Variants in FREM2 observed in about 807,000 individuals in gnomAD.
FREM2 encodes FRAS1-related extracellular matrix protein 2.
FREM2 carries 119 observed loss-of-function variants against 219.9 expected under a neutral mutation model. The observed-to-expected ratio is 0.54, with a 90% CI of 0.47 to 0.63. FREM2 has a LOEUF of 0.63. FREM2 is among the 30% of genes least tolerant of loss of function. The pLI is 0.00. For missense variants in FREM2, 4,030 were observed against 3,993.6 expected (o/e 1.01, Z -0.25); for synonymous variants, 1,562 against 1,522.8 (o/e 1.03, Z -0.60).
At chr13:38,779,753 G>A (rs781310026) in intron 4 of FREM2, among the ~76,000 whole-genome samples, 5 of 152,172 alleles carry the variant, frequency 3.3e-5, no homozygotes, top group African/African-American at 9.7e-5. Context: ...AACAGTTCTG[G>A]TGAAAATAGC....
At chr13:38,800,073 CGTT>C (rs1238835571) in intron 6 of FREM2, among the ~76,000 whole-genome samples, 4 of 151,698 alleles carry the variant, frequency 2.6e-5, no homozygotes, top group Non-Finnish European at 5.9e-5. Flanking sequence ...TATTGTTTGT[CGTT>C]GTGGTTTGGT....
rs538358346 is a variant in FREM2, at chr13:38,864,701, A to G, written c.7983+95A>G. The stretch of plus-strand genomic sequence containing the variant: ...TACTAAGTCCCAACTCCAGTTTTCC[A>G]TCTTGGTGTTGTAGGTAATTATTGA... On this transcript the variant is annotated intron_variant, in intron 16 of 23. Transcript: ENST00000280481. The G allele has an allele frequency of 1.4e-4, 149 of 1,095,066 alleles. 1 individual carries two copies. In the African/African-American group the frequency reaches 1.5e-3, roughly 11 times the overall value. The allele number at this position is 1,095,066 out of a possible 1,614,324, so 67.8% of individuals were successfully genotyped here. A position where few individuals can be genotyped will look rare whatever the true frequency, so the allele number is the denominator to read the frequency against.
chr13:38,725,937 C>A (rs894374520), intron 2 of FREM2, among the ~76,000 whole-genome samples: 1 of 152,098 alleles, frequency 6.6e-6, no homozygotes, highest in Non-Finnish European at 1.5e-5. Context: ...AGATGTAGAA[C>A]TCAAAAAATC....
intron 2 of FREM2, among the ~76,000 whole-genome samples, chr13:38,762,269 G>A (rs1338538382): frequency 6.6e-6 from 1 of 152,106 alleles, no homozygotes; most frequent in East Asian, 1.9e-4. Flanking sequence ...GATGTGGGTG[G>A]GCCTTGGACT....
chr13:38,864,574 G>C lies in FREM2; in HGVS notation c.7951G>C (p.Asp2651His). Residue 2651 changes from aspartate (D) to histidine (H), a missense_variant, in exon 16 of 24, where the codon GAC becomes CAC. Physicochemically the swap from Asp to His is moderately conservative, Grantham distance 81. Around this residue, in one of 2 missense-constraint regions of FREM2, gnomAD observed 928 missense variants for 1,042.9 expected, o/e 0.89. Transcript: ENST00000280481. ...SYYDMSELLADCGGTIGTDGQ... is the reference protein window; with the variant it reads ...SYYDMSELLAHCGGTIGTDGQ... ...CTATGACATGTCAGAACTCCTTGCT[G>C]ACTGTGGTGGCACCATTGGAACAGA... The C allele has an allele frequency of 1.9e-6, 3 of 1,614,180 alleles. No individual in the cohort carries two copies. Among genetic ancestry groups the C allele is most frequent in the Non-Finnish European group, 2.5e-6 (3 of 1,179,994 alleles).
chr13:38,809,423 T>C (rs1159394875), intron 6 of FREM2, among the ~76,000 whole-genome samples: 1 of 152,002 alleles, frequency 6.6e-6, no homozygotes, highest in Non-Finnish European at 1.5e-5. Flanking sequence ...CTGGAGAGTT[T>C]CCACAAAATA....
chr13:38,754,901 G>GATTATTATTATTATT (rs6145018), intron 2 of FREM2, among the ~76,000 whole-genome samples: 1,330 of 128,600 alleles, frequency 0.01, 17 homozygotes, highest in East Asian at 0.037. Flanking sequence ...TGATGATGAT[G>GATTATTATTATTATT]ATTATTATTA....
chr13:38,770,071 T>C (rs1873598686), intron 4 of FREM2, among the ~76,000 whole-genome samples: 2 of 148,014 alleles, frequency 1.4e-5, no homozygotes, highest in South Asian at 4.2e-4. Context: ...AGATTTTATG[T>C]ATATATAAAC....
chr13:38,775,803 G>T (rs971666120), intron 4 of FREM2, among the ~76,000 whole-genome samples: 1 of 152,106 alleles, frequency 6.6e-6, no homozygotes, highest in Non-Finnish European at 1.5e-5. Context: ...ATTTTTAGTA[G>T]AAACGGGGTT....
chr13:38,846,459 GATGAT>G, intron 6 of FREM2, 109 bp from the exon 7 acceptor site: 1 of 1,045,484 alleles, frequency 9.6e-7, no homozygotes, highest in East Asian at 2.6e-5. Context: ...AAAAAAGTAT[GATGAT>G]ATAAGGAAGT....
intron 6 of FREM2, among the ~76,000 whole-genome samples, chr13:38,799,698 C>A (rs1240033271): frequency 6.6e-6 from 1 of 151,756 alleles, no homozygotes; most frequent in African/African-American, 2.4e-5. Flanking sequence ...TGAATTGATC[C>A]CTTTATCAAT....
chr13:38,724,962 G>A (rs1227590445), intron 2 of FREM2, among the ~76,000 whole-genome samples: 1 of 152,150 alleles, frequency 6.6e-6, no homozygotes, highest in Non-Finnish European at 1.5e-5. Context: ...CATAGCTAGG[G>A]ATGTTGCTAG....
chr13:38,840,642 A>ATATATATATATATG (rs1876917753), intron 6 of FREM2, among the ~76,000 whole-genome samples: 1 of 140,028 alleles, frequency 7.1e-6, no homozygotes. Flanking sequence ...ATATATATAT[A>ATATATATATATATG]TATGTGTATG....
intron 2 of FREM2, among the ~76,000 whole-genome samples, chr13:38,757,230 C>T (rs1873048097): frequency 6.6e-6 from 1 of 152,090 alleles, no homozygotes; most frequent in African/African-American, 2.4e-5. Flanking sequence ...TATATGTAAC[C>T]ATATCATGTC....
chr13:38,769,874 G>T, intron 4 of FREM2, 66 bp downstream of exon 4: 1 of 1,132,382 alleles, frequency 8.8e-7, no homozygotes, highest in South Asian at 1.2e-5. Flanking sequence ...TACCTTGTAG[G>T]GGTATAGCTT....
At chr13:38,779,427 C>G (rs1347407798) in intron 4 of FREM2, 1 of 150,792 alleles carries the variant, frequency 6.6e-6, no homozygotes, top group Non-Finnish European at 1.5e-5. Context: ...AAAAAAAGTA[C>G]TCACTTGGGC....
intron 9 of FREM2, among the ~76,000 whole-genome samples, 156 bp downstream of exon 9, chr13:38,850,391 G>A (rs1877327620): frequency 6.6e-6 from 1 of 152,196 alleles, no homozygotes; most frequent in South Asian, 2.1e-4. Context: ...TTTTTAACAG[G>A]TTGAATGAAT....
At chr13:38,747,747 A>C (rs956520411) in intron 2 of FREM2, among the ~76,000 whole-genome samples, 7 of 152,154 alleles carry the variant, frequency 4.6e-5, no homozygotes, top group African/African-American at 1.7e-4. Flanking sequence ...TGATATTCTC[A>C]TGGGAAACAG....
intron 2 of FREM2, among the ~76,000 whole-genome samples, chr13:38,761,824 G>A (rs1381657265): frequency 1.3e-5 from 2 of 152,104 alleles, no homozygotes; most frequent in Non-Finnish European, 2.9e-5. Flanking sequence ...AAGAGTGAGG[G>A]TGGCAAATCC....
Sources: allele counts gnomAD v4.1 joint callset (sites outside exome capture counted in the v4.1 genomes callset), GRCh38; gene constraint gnomAD v4.1.1; regional missense constraint gnomAD v4.1.1; transcripts MANE v1.5; gene names NCBI Gene and HGNC (gene_info 2026-07-23, HGNC 2026-07-21).